UTRN: variants seen among roughly 807,000 people sequenced by gnomAD.
The protein encoded by UTRN is utrophin, also known as dystrophin-related protein 1.
In UTRN, 283 loss-of-function variants were observed where a neutral mutation model predicts 463.9. The observed-to-expected ratio is 0.61, with a 90% confidence interval of 0.55 to 0.67. The LOEUF (loss-of-function observed/expected upper bound fraction) is 0.67. UTRN is among the 30% of genes least tolerant of loss of function. The pLI is 0.00. For synonymous variants in UTRN, 1,442 were observed against 1,431.5 expected (o/e 1.01, Z -0.17); for missense variants, 3,922 against 4,084.3 (o/e 0.96, Z 1.08).
At chr6:144,481,941 C>A (rs978336903) in intron 26 of UTRN, among the ~76,000 whole-genome samples, 13 of 152,240 alleles carry the variant, frequency 8.5e-5, no homozygotes, top group African/African-American at 3.1e-4. Flanking sequence ...TGCCTGTAAT[C>A]ACAGCTTCTC....
intron 68 of UTRN, 136 bp from the exon 69 acceptor site, chr6:144,828,654 A>T: frequency 1.2e-6 from 1 of 830,720 alleles, no homozygotes; most frequent in Non-Finnish European, 2.0e-6. Context: ...TTTTAGTTTT[A>T]CAGTCGTGTT....
chr6:144,404,545 G>A (rs1468647164), intron 3 of UTRN, among the ~76,000 whole-genome samples: 1 of 152,150 alleles, frequency 6.6e-6, no homozygotes, highest in African/African-American at 2.4e-5. Context: ...GGTTATTCAC[G>A]AGGATAACAC....
chr6:144,443,630 A>G (rs1787380466), intron 13 of UTRN, among the ~76,000 whole-genome samples: 1 of 152,090 alleles, frequency 6.6e-6, no homozygotes, highest in African/African-American at 2.4e-5. Flanking sequence ...AATCATGAAG[A>G]GTGATTTTTT....
intron 51 of UTRN, among the ~76,000 whole-genome samples, chr6:144,632,079 C>A (rs1776587876): frequency 6.6e-6 from 1 of 152,178 alleles, no homozygotes; most frequent in Admixed American, 6.5e-5. Context: ...TTTCTGAATT[C>A]TGTGGGGACC....
chr6:144,405,972 C>T (rs551297222), intron 3 of UTRN, among the ~76,000 whole-genome samples: 101 of 152,294 alleles, frequency 6.6e-4, no homozygotes, highest in African/African-American at 2.3e-3. Context: ...TACTTTACGA[C>T]TAGGTAAGTT....
In UTRN at chr6:144,590,843, TACACAC is replaced by T. The variant is rs10531216; in HGVS notation, c.7479+13582_7479+13587del. Reference sequence around the variant, plus strand: ...ATTAGTCTCTCTCTCTCTCTCAATCTACACACACACACACACACACACACACACACA... The same window carrying T: ...ATTAGTCTCTCTCTCTCTCTCAATCTACACACACACACACACACACACACA... On this transcript the variant is annotated intron_variant, in intron 51 of 74. Coordinates refer to ENST00000367545, the MANE Select transcript of UTRN (RefSeq NM_007124.3). 1.7e-3 allele frequency among the ~76,000 whole-genome samples: 241 copies of T among 145,938 alleles called. 1 individual carries two copies. The East Asian group carries it at 0.017, about 10-fold the overall frequency.
Position 144,840,895 on chromosome 6 carries a change from T to G in UTRN, c.10270+63T>G, listed in dbSNP as rs1781517421. On this transcript the variant is annotated intron_variant, in intron 73 of 74. Transcript: ENST00000367545. ...TTCCTTCCCTTTCTCTTTTTCTGCA[T>G]GCGGCCCTTCGCCTTCTTCCTTAAG... The G allele has an allele frequency of 1.0e-5, 16 of 1,572,982 alleles. No individual in the cohort carries two copies. In the Admixed American group the frequency reaches 2.7e-4, roughly 26 times the overall value.
chr6:144,628,584 A>G (rs1415892045), intron 51 of UTRN, among the ~76,000 whole-genome samples: 1 of 152,218 alleles, frequency 6.6e-6, no homozygotes. Flanking sequence ...TCTCTAATAG[A>G]CATGCTTTAG....
In UTRN at chr6:144,712,187, G is replaced by T. The variant is rs1470045457; in HGVS notation, c.7809+11944G>T. Among the ~76,000 whole-genome samples the T allele has an allele frequency of 3.9e-5, 6 of 152,072 alleles. No homozygotes were observed. In the East Asian group the frequency reaches 7.7e-4, roughly 20 times the overall value. On this transcript the variant is annotated intron_variant, in intron 53 of 74. Transcript: ENST00000367545. ...TGTGTTGACTTACTCCTTATTAAAC[G>T]CTCAGCTCTTTAAGGCCCATTAGTC...
chr6:144,622,990 A>C (rs1268309581), intron 51 of UTRN, among the ~76,000 whole-genome samples: 1 of 152,242 alleles, frequency 6.6e-6, no homozygotes, highest in Non-Finnish European at 1.5e-5. Context: ...ATGGCATTTT[A>C]AAGAATTACA....
At chr6:144,342,679 A>G (rs903947625) in intron 2 of UTRN, among the ~76,000 whole-genome samples, 3 of 152,210 alleles carry the variant, frequency 2.0e-5, no homozygotes, top group African/African-American at 7.2e-5. Flanking sequence ...GTAACTCTAT[A>G]GAGACTGGAA....
chr6:144,607,614 A>C (rs1369021375), intron 51 of UTRN, among the ~76,000 whole-genome samples: 1 of 152,186 alleles, frequency 6.6e-6, no homozygotes, highest in African/African-American at 2.4e-5. Flanking sequence ...TGAAACTTTG[A>C]TGACATTATC....
intron 1 of UTRN, among the ~76,000 whole-genome samples, chr6:144,288,169 C>G (rs1178102362): frequency 6.6e-6 from 1 of 152,170 alleles, no homozygotes; most frequent in Admixed American, 6.5e-5. Flanking sequence ...CTTCTTTCTC[C>G]CCATTTTCCT....
intron 61 of UTRN, among the ~76,000 whole-genome samples, chr6:144,783,949 G>A (rs1351600250): frequency 6.6e-6 from 1 of 151,854 alleles, no homozygotes; most frequent in African/African-American, 2.4e-5. Context: ...GTTCTCCTAG[G>A]GTAAAATATT....
At chr6:144,708,297 T>C (rs1363637030) in intron 53 of UTRN, 6 of 665,048 alleles carry the variant, frequency 9.0e-6, no homozygotes, top group Non-Finnish European at 1.7e-5. Context: ...CTGATTCTTT[T>C]ACAAGACCAT....
chr6:144,558,872 C>A (rs1375298387), intron 50 of UTRN, among the ~76,000 whole-genome samples: 1 of 151,982 alleles, frequency 6.6e-6, no homozygotes, highest in Non-Finnish European at 1.5e-5. Context: ...AGTTATGTTG[C>A]AGGAACTGTG....
intron 53 of UTRN, among the ~76,000 whole-genome samples, chr6:144,721,912 A>C (rs996804788): frequency 1.3e-5 from 2 of 152,138 alleles, no homozygotes; most frequent in Admixed American, 6.5e-5. Flanking sequence ...TCATTTCAGC[A>C]CTCAAGTTTC....
chr6:144,821,652 T>C (rs1779618113), intron 66 of UTRN, among the ~76,000 whole-genome samples: 2 of 151,952 alleles, frequency 1.3e-5, no homozygotes, highest in South Asian at 4.1e-4. Flanking sequence ...CATGTGATTA[T>C]AAAGCAAAGG....
At chr6:144,788,565 A>AT (rs796235314) in intron 61 of UTRN, among the ~76,000 whole-genome samples, 1,863 of 136,808 alleles carry the variant, frequency 0.014, 14 homozygotes, top group African/African-American at 0.018. Flanking sequence ...AATTCATAGT[A>AT]TTTTTTTTTT....
Sources: gnomAD v4.1 joint callset for allele counts (sites outside exome capture counted in the v4.1 genomes callset) on GRCh38, gnomAD v4.1.1 for gene constraint, MANE v1.5 for transcripts, NCBI Gene and HGNC (gene_info 2026-07-23, HGNC 2026-07-21) for gene names.